The following SRGAP2B variants were observed in gnomAD, a reference collection of about 807,000 sequenced individuals.
SRGAP2B encodes the protein SLIT-ROBO Rho GTPase-activating protein 2B.
SRGAP2B carries 9 observed loss-of-function variants against 22.2 expected under a neutral mutation model. The ratio of observed to expected loss-of-function variants is 0.41; its 90% CI spans 0.24 to 0.71. SRGAP2B has a LOEUF of 0.71. Ranked by LOEUF, SRGAP2B falls within the 30% of genes least tolerant of loss-of-function variation. The pLI, the probability that SRGAP2B is intolerant of heterozygous loss-of-function variation, is 0.35. For missense variants in SRGAP2B, 114 were observed against 235.8 expected (o/e 0.48, Z 3.38); for synonymous variants, 36 against 87.4 (o/e 0.41, Z 3.28).
chr1:145,013,834 A>G (rs1362659862), intron 2 of SRGAP2B, among the ~76,000 whole-genome samples: 1 of 150,896 alleles, frequency 6.6e-6, no homozygotes, highest in African/African-American at 2.5e-5. Context: ...AGATATATCA[A>G]GTGAGTATGC....
chr1:144,969,756 G>A (rs1180740121), intron 3 of SRGAP2B, among the ~76,000 whole-genome samples: 1 of 150,560 alleles, frequency 6.6e-6, no homozygotes, highest in African/African-American at 2.5e-5. Flanking sequence ...CTGACAAAGG[G>A]CTAATATCCA....
Position 144,974,532 on chromosome 1 carries a change from G to T in SRGAP2B, c.261-18931C>A, listed in dbSNP as rs376824652. 4.3e-3 allele frequency among the ~76,000 whole-genome samples: 647 copies of T among 149,724 alleles called. 49 individuals carry two copies. The highest frequency in any genetic ancestry group is 0.015 in the African/African-American group (612 of 39,554). On this transcript the variant is annotated intron_variant, in intron 3 of 9. Coordinates refer to ENST00000612199, the Ensembl canonical transcript of SRGAP2B. ...GGGAGATGGAGGAAGAGGGTTAAAT[G>T]GGGCAGAGAAAGGGGATTCTGGAAG...
intron 4 of SRGAP2B, among the ~76,000 whole-genome samples, chr1:144,942,489 G>C (rs1666127222): frequency 1.3e-5 from 2 of 149,910 alleles, no homozygotes; most frequent in African/African-American, 5.0e-5. Context: ...GCACAATCTT[G>C]GCTCACTGCA....
At chr1:144,975,847 C>T (rs1271590572) in intron 3 of SRGAP2B, among the ~76,000 whole-genome samples, 1 of 133,506 alleles carries the variant, frequency 7.5e-6, no homozygotes, top group Non-Finnish European at 1.6e-5. Flanking sequence ...TCTTCTTTTT[C>T]AGAGGCATGG....
chr1:144,992,022 T>C lies in SRGAP2B; in HGVS notation c.260+2986A>G, dbSNP rs1670280779. 2.0e-5 allele frequency among the ~76,000 whole-genome samples: 3 copies of C among 149,062 alleles called. No homozygotes were observed. In the South Asian group the frequency reaches 6.3e-4, roughly 31 times the overall value. The stretch of plus-strand genomic sequence containing the variant: ...ACTTTTTGGGTCCATGCTGCTTTTA[T>C]GAGCTGTAACACTCACTGCAAAGAT... On this transcript the variant is annotated intron_variant, in intron 3 of 9. Transcript: ENST00000612199.
At chr1:145,014,184 TC>T (rs1672253175) in intron 2 of SRGAP2B, among the ~76,000 whole-genome samples, 3 of 144,454 alleles carry the variant, frequency 2.1e-5, no homozygotes, top group African/African-American at 8.1e-5. Context: ...CACCTGTAAT[TC>T]CAGCTACTCG....
In SRGAP2B at chr1:145,002,607, A is replaced by T. The variant is rs1211689088; in HGVS notation, c.68-7407T>A. Among the ~76,000 whole-genome samples, 2 of 149,300 alleles carry T rather than the reference A, an allele frequency of 1.3e-5. 1 individual carries two copies. The highest frequency in any genetic ancestry group is 5.1e-5 in the African/African-American group (2 of 39,352). ...TAAAAAAGAAACAAACAAAAAAACC[A>T]CTTTGCCTTGGATTTTTGGTCCCTT... On this transcript the variant is annotated intron_variant, in intron 2 of 9. Coordinates refer to ENST00000612199, the Ensembl canonical transcript of SRGAP2B.
intron 2 of SRGAP2B, among the ~76,000 whole-genome samples, chr1:145,008,778 C>A: frequency 8.4e-6 from 1 of 118,556 alleles, no homozygotes; most frequent in Admixed American, 8.7e-5. Flanking sequence ...CTAAACACCA[C>A]AAGGCAATGT....
intron 2 of SRGAP2B, among the ~76,000 whole-genome samples, chr1:145,020,030 G>T (rs149192587): frequency 6.6e-6 from 1 of 150,570 alleles, no homozygotes; most frequent in Non-Finnish European, 1.5e-5. Context: ...CAATATCCAC[G>T]TGGCTTACAC....
intron 2 of SRGAP2B, among the ~76,000 whole-genome samples, chr1:145,021,748 AG>A (rs1672815002): frequency 6.8e-6 from 1 of 147,778 alleles, no homozygotes; most frequent in Admixed American, 6.7e-5. Context: ...CAGGAGGCAG[AG>A]GTTGCCGTGA....
At chr1:144,924,731 C>CAAAAAAA (rs1156257790) in intron 4 of SRGAP2B, among the ~76,000 whole-genome samples, 1 of 58,192 alleles carries the variant, frequency 1.7e-5, no homozygotes, top group African/African-American at 7.5e-5. Flanking sequence ...AACTCCGTCT[C>CAAAAAAA]AAAAAAAAAA....
Position 145,009,108 on chromosome 1 carries a change from C to T in SRGAP2B, c.68-13908G>A, listed in dbSNP as rs1182138093. Among the ~76,000 whole-genome samples, 6 of 138,212 alleles carry T rather than the reference C, an allele frequency of 4.3e-5. 1 individual carries two copies. The highest frequency in any genetic ancestry group is 9.2e-5 in the Non-Finnish European group (6 of 65,458). The allele number at this position is 138,212 out of a possible 152,430, so 90.7% of individuals were successfully genotyped here. A position where few individuals can be genotyped will look rare whatever the true frequency, so the allele number is the denominator to read the frequency against. ...AGGAGAATGGCGTGAACCTGGGAGGCGGAGCTTGCAGTGAGCTGAGATGGC... is the reference window on the plus strand; with the variant it reads ...AGGAGAATGGCGTGAACCTGGGAGGTGGAGCTTGCAGTGAGCTGAGATGGC... On this transcript the variant is annotated intron_variant, in intron 2 of 9. Transcript: ENST00000612199.
chr1:144,939,891 T>C (rs1244043715), intron 4 of SRGAP2B, among the ~76,000 whole-genome samples: 1 of 150,182 alleles, frequency 6.7e-6, no homozygotes, highest in Non-Finnish European at 1.5e-5. Context: ...AATGCTTATG[T>C]GGTCAGATGG....
chr1:145,013,911 C>G (rs1209558297), intron 2 of SRGAP2B, among the ~76,000 whole-genome samples: 3 of 149,182 alleles, frequency 2.0e-5, no homozygotes, highest in Non-Finnish European at 3.0e-5. Flanking sequence ...GCAACCACCA[C>G]TTAGGCCAAG....
chr1:145,011,920 GC>G (rs1194321478), intron 2 of SRGAP2B, among the ~76,000 whole-genome samples: 2 of 150,266 alleles, frequency 1.3e-5, no homozygotes, highest in African/African-American at 5.0e-5. Context: ...TTACTCACTG[GC>G]CCCCAGCTAC....
chr1:144,970,305 T>A (rs1323031044), intron 3 of SRGAP2B, among the ~76,000 whole-genome samples: 5 of 85,252 alleles, frequency 5.9e-5, no homozygotes, highest in Non-Finnish European at 1.1e-4. Flanking sequence ...CACCATGGAA[T>A]ACTATGCAGC....
At chr1:144,998,513 T>C (rs1315865425) in intron 2 of SRGAP2B, among the ~76,000 whole-genome samples, 4 of 146,372 alleles carry the variant, frequency 2.7e-5, no homozygotes, top group East Asian at 2.0e-4. Flanking sequence ...ATTTGTGATA[T>C]GACACCATGA....
chr1:144,921,115 A>G (rs1664220194), intron 4 of SRGAP2B, among the ~76,000 whole-genome samples: 1 of 147,014 alleles, frequency 6.8e-6, no homozygotes, highest in Admixed American at 6.7e-5. Context: ...GGCCCATCAG[A>G]ATGCAATTCT....
chr1:144,920,038 T>C lies in SRGAP2B; in HGVS notation c.424-5284A>G, dbSNP rs1175827020. ...CCTTTAGCTAGACACAGAGCACTGATTGGTGCATTTTTACAGAGTGCTGAT... is the reference window on the plus strand; with the variant it reads ...CCTTTAGCTAGACACAGAGCACTGACTGGTGCATTTTTACAGAGTGCTGAT... On this transcript the variant is annotated intron_variant, in intron 4 of 9. Transcript: ENST00000612199. The C allele has an allele frequency of 8.6e-5, 13 of 150,644 alleles. 1 individual carries two copies. In the East Asian group the frequency reaches 1.2e-3, roughly 14 times the overall value. The allele number at this position is 150,644 out of a possible 1,614,324, so 9.3% of individuals were successfully genotyped here.
Sources: gnomAD v4.1 joint callset for allele counts (sites outside exome capture counted in the v4.1 genomes callset) on GRCh38, gnomAD v4.1.1 for gene constraint, MANE v1.5 for transcripts, NCBI Gene and HGNC (gene_info 2026-07-23, HGNC 2026-07-21) for gene names.